FLT4: variants seen among roughly 807,000 people sequenced by gnomAD.
FLT4 encodes the protein fms related receptor tyrosine kinase 4.
Under a neutral mutation model 163.2 loss-of-function variants are expected in FLT4, and 30 were observed. That is an observed-to-expected ratio of 0.18 (90% CI 0.14 to 0.25). The LOEUF (loss-of-function observed/expected upper bound fraction) is 0.25. Ranked by LOEUF, FLT4 falls within the 10% of genes least tolerant of loss-of-function variation. The pLI, the probability that FLT4 is intolerant of heterozygous loss-of-function variation, is 1.00. For synonymous variants in FLT4, 884 were observed against 789.5 expected, an observed-to-expected ratio of 1.12 and a Z score of -2.01; for missense variants, 1,510 against 1,863.8, an observed-to-expected ratio of 0.81 and a Z score of 3.50.
rs541491038 is a variant in FLT4 at position 180,629,931 on chromosome 5, C to T, written c.676+12G>A. On this transcript the variant is annotated intron_variant, in intron 5 of 29. Coordinates refer to ENST00000261937, the MANE Select transcript of FLT4 (RefSeq NM_182925.5). Reference sequence around the variant, plus strand: ...CAGCCCCGTTACTGGGAACGGGGCACAGCCCTGTTACCTGTGATGTGCACC... The same window carrying T: ...CAGCCCCGTTACTGGGAACGGGGCATAGCCCTGTTACCTGTGATGTGCACC... 3 of 1,612,676 alleles carry T rather than the reference C, an allele frequency of 1.9e-6. No homozygotes were observed. The highest frequency in any genetic ancestry group is 1.3e-5 in the African/African-American group (1 of 75,004).
Position 180,620,094 on chromosome 5 carries a change from G to A in FLT4, c.2542+79C>T, listed in dbSNP as rs1581644831. The A allele has an allele frequency of 1.3e-6, 2 of 1,521,390 alleles. No individual in the cohort carries two copies. Among genetic ancestry groups the A allele is most frequent in the South Asian group, 2.4e-5 (2 of 83,900 alleles). 94.2% of individuals were successfully genotyped at this position (1,521,390 alleles called of 1,614,324 possible). ...ACTTCCTGGTGCAAGTTTTGAAAAT[G>A]GAGGGATTCAGGCACTCCGGCCTGC... On this transcript the variant is annotated intron_variant, in intron 17 of 29. Coordinates refer to ENST00000261937, the MANE Select transcript of FLT4 (RefSeq NM_182925.5). The surrounding 1 kb of genome is among the most constrained non-coding windows in gnomAD (Gnocchi z 4.4).
At chr5:180,631,389 C>T (rs575714301) in intron 2 of FLT4, among the ~76,000 whole-genome samples, 143 of 152,122 alleles carry the variant, frequency 9.4e-4, no homozygotes, top group South Asian at 7.9e-3. Flanking sequence ...AGGAGAATGG[C>T]GTGAACCCGG....
chr5:180,621,355 T>C, intron 13 of FLT4, 103 bp from the exon 14 acceptor site: 5 of 1,456,182 alleles, frequency 3.4e-6, no homozygotes, highest in Non-Finnish European at 4.6e-6. Context: ...GAAGCTGGAC[T>C]TAGGGGTTGT....
intron 28 of FLT4, chr5:180,609,599 G>A (rs1345258005): frequency 9.6e-6 from 4 of 417,360 alleles, no homozygotes; most frequent in Admixed American, 3.6e-5. Context: ...TCTGCCCAGC[G>A]CTCACTGACC....
chr5:180,620,795 CCACGACTTGCCCAAGGTG>C lies in FLT4; in HGVS notation c.2299+63_2299+80del. 8 of 1,604,048 alleles carry C rather than the reference CCACGACTTGCCCAAGGTG, an allele frequency of 5.0e-6. No homozygotes were observed. The highest frequency in any genetic ancestry group is 1.3e-5 in the African/African-American group (1 of 74,784). On this transcript the variant is annotated intron_variant, in intron 15 of 29. Transcript: ENST00000261937. This position sits in a 1 kb window ranked among gnomAD's most constrained non-coding sequence, Gnocchi z 4.4. ...CTGCAGGCAGCACCCCTTCTGGTGG[CCACGACTTGCCCAAGGTG>C]GCCACAAGAAAGCGTTAACTGGGGA...
At chr5:180,610,924 G>T (rs1225063125) in intron 27 of FLT4, among the ~76,000 whole-genome samples, 1 of 152,204 alleles carries the variant, frequency 6.6e-6, no homozygotes, top group Non-Finnish European at 1.5e-5. Flanking sequence ...AGGCGTGGTG[G>T]CGGGTGCCTG....
chr5:180,619,218 G>T (rs777385151), intron 19 of FLT4, 35 bp downstream of exon 19: 2 of 1,521,684 alleles, frequency 1.3e-6, no homozygotes, highest in Non-Finnish European at 1.8e-6. Context: ...CCGCGCCCGG[G>T]GTCTCGCCGT....
At chr5:180,608,419 A>C in intron 29 of FLT4, 1 of 689,552 alleles carries the variant, frequency 1.5e-6, no homozygotes, top group South Asian at 1.5e-5. Flanking sequence ...ATTCGGGGCC[A>C]CTACCGGTCT....
intron 26 of FLT4, 88 bp from the exon 27 acceptor site, chr5:180,611,567 C>T: frequency 7.1e-7 from 1 of 1,408,460 alleles, no homozygotes; most frequent in South Asian, 1.2e-5. Flanking sequence ...CACCCCCGCC[C>T]TCAGCCCTCA....
At position 180,607,910 on chromosome 5, in the gene FLT4, C is replaced by T. The variant is rs1227883745; in HGVS notation, c.3893+1058G>A. The T allele has an allele frequency of 1.0e-4, 61 of 591,386 alleles. 2 individuals are homozygous for T. Among genetic ancestry groups the T allele is most frequent in the South Asian group, 8.6e-4 (42 of 48,676 alleles). 36.6% of individuals were successfully genotyped at this position (591,386 alleles called of 1,614,324 possible). A position where few individuals can be genotyped will look rare whatever the true frequency, so the allele number is the denominator to read the frequency against. ...CCCTCTGTCACGCTGGCATAAGGGC[C>T]GCTTGAGGGCTCTTTGGTCAAGCAG... is the stretch of plus-strand genomic sequence containing the variant. On this transcript the variant is annotated intron_variant, in intron 29 of 29. Transcript: ENST00000261937.
chr5:180,619,164 C>A (rs1762914936), intron 19 of FLT4, 55 bp from the exon 20 acceptor site: 2 of 1,303,254 alleles, frequency 1.5e-6, no homozygotes, highest in South Asian at 2.0e-5. Flanking sequence ...GCGCTGCGGG[C>A]GCGCTCCGCG....
Position 180,620,220 on chromosome 5 carries a change from G to A in FLT4, c.2495C>T (p.Ser832Phe). The A allele has an allele frequency of 6.2e-7, 1 of 1,611,464 alleles. No homozygotes were observed. The highest frequency in any genetic ancestry group is 8.5e-7 in the Non-Finnish European group (1 of 1,179,958). ...VPLEEQCEYLSYDASQWEFPR... is the reference protein window; with the variant it reads ...VPLEEQCEYLFYDASQWEFPR... Reference sequence around the variant, plus strand: ...GAATTCCCACTGGCTGGCATCGTAGGACAGGTATTCGCATTGCTCCTCCAG... The same window carrying A: ...GAATTCCCACTGGCTGGCATCGTAGAACAGGTATTCGCATTGCTCCTCCAG... The change falls in exon 17 of 30, where the codon TCC becomes TTC. Residue 832 changes from serine (S) to phenylalanine (F), a missense_variant. Around this residue, in one of 5 missense-constraint regions of FLT4, gnomAD observed 878 missense variants for 1,016.7 expected, o/e 0.86. Transcript: ENST00000261937. The surrounding 1 kb of genome is among the most constrained non-coding windows in gnomAD (Gnocchi z 4.4).
intron 2 of FLT4, among the ~76,000 whole-genome samples, chr5:180,631,228 C>T (rs112772811): frequency 6.6e-6 from 1 of 151,974 alleles, no homozygotes; most frequent in African/African-American, 2.4e-5. Context: ...AATCCCAGCA[C>T]TTTGGGAGGC....
Position 180,603,306 on chromosome 5 carries a change from G to C in FLT4, c.3978C>G (p.Ala1326=), listed in dbSNP as rs1478037040. 3.6e-5 allele frequency: 58 copies of C among 1,613,978 alleles called. No individual in the cohort carries two copies. The highest frequency in any genetic ancestry group is 4.8e-5 in the Non-Finnish European group (57 of 1,179,972). The change falls in exon 30 of 30, where the codon GCC becomes GCG. Residue 1326 remains alanine (A), a synonymous_variant. Coordinates refer to ENST00000261937, the MANE Select transcript of FLT4 (RefSeq NM_182925.5). ...TGTTGTAAAACACCTGGCCTCCTCG[G>C]GCCCCCCGCTCAGGCCGCCGCCGCC... ...QGRRRRPERG[A]RGGQVFYNSE...
chr5:180,625,778 G>T, intron 10 of FLT4, 91 bp downstream of exon 10: 1 of 1,201,128 alleles, frequency 8.3e-7, no homozygotes. Flanking sequence ...GGGAAGACCT[G>T]GGCAGTGAGG....
At chr5:180,629,120 C>T in intron 7 of FLT4, 121 bp from the exon 8 acceptor site, 1 of 1,443,186 alleles carries the variant, frequency 6.9e-7, no homozygotes, top group Non-Finnish European at 9.7e-7. Context: ...GCTGGCCATG[C>T]CGCCCGGTGC....
rs1764068552 is a variant in FLT4, at chr5:180,630,904, A to G, written c.156-105T>C. The G allele has an allele frequency of 1.5e-6, 2 of 1,352,600 alleles. No individual in the cohort carries two copies. The highest frequency in any genetic ancestry group is 2.0e-6 in the Non-Finnish European group (2 of 1,009,340). 83.8% of individuals were successfully genotyped at this position (1,352,600 alleles called of 1,614,324 possible). A position where few individuals can be genotyped will look rare whatever the true frequency, so the allele number is the denominator to read the frequency against. Reference sequence around the variant, plus strand: ...GCCTCACCAGGTTTGTCTTACCCAGAGCATGGAACTGCCCAGGGTTTGGGC... The same window carrying G: ...GCCTCACCAGGTTTGTCTTACCCAGGGCATGGAACTGCCCAGGGTTTGGGC... On this transcript the variant is annotated intron_variant, in intron 2 of 29. Coordinates refer to ENST00000261937, the MANE Select transcript of FLT4 (RefSeq NM_182925.5). This position sits in a 1 kb window ranked among gnomAD's most constrained non-coding sequence, Gnocchi z 6.3.
At position 180,620,879 on chromosome 5, in the gene FLT4, C is replaced by T. The variant is rs750811224; in HGVS notation, c.2296G>A (p.Glu766Lys). 1.2e-6 allele frequency: 2 copies of T among 1,609,682 alleles called. No individual in the cohort carries two copies. Among genetic ancestry groups the T allele is most frequent in the Non-Finnish European group, 1.7e-6 (2 of 1,178,676 alleles). ...GGGGTGCAGCCTGAGGCCAGACCTT[C>T]CACGGCCACGCTGGCGGAGGAGTTG... ...CVNSSASVAV[E>K]GSEDKGSMEI... The change falls in exon 15 of 30, where the codon GAA (glutamate) becomes AAA (lysine). Residue 766 changes from glutamate to lysine, a missense_variant. Physicochemically the swap from Glu to Lys is moderately conservative, Grantham distance 56 (BLOSUM62 1). Transcript: ENST00000261937. The surrounding 1 kb of genome is among the most constrained non-coding windows in gnomAD (Gnocchi z 4.4).
chr5:180,629,505 C>A, intron 6 of FLT4, 78 bp from the exon 7 acceptor site: 1 of 1,564,700 alleles, frequency 6.4e-7, no homozygotes, highest in Non-Finnish European at 8.7e-7. Context: ...ACCTCCCAGC[C>A]CAGCCAGCGG....
Sources: allele counts gnomAD v4.1 joint callset (sites outside exome capture counted in the v4.1 genomes callset), GRCh38; gene constraint gnomAD v4.1.1; regional missense constraint gnomAD v4.1.1; non-coding constraint Gnocchi (gnomAD v3.1); transcripts MANE v1.5; gene names NCBI Gene and HGNC (gene_info 2026-07-23, HGNC 2026-07-21).